The following RSRC1 variants were observed in gnomAD, a reference collection of about 807,000 sequenced individuals.
The protein encoded by RSRC1 is arginine and serine rich coiled-coil 1, also known as serine/Arginine-related protein 53.
A neutral mutation model predicts 49.1 loss-of-function variants in RSRC1; 39 were observed. That is an observed-to-expected ratio of 0.79 (90% CI 0.61 to 1.04). RSRC1 has a LOEUF of 1.04. RSRC1 is among the 50% of genes least tolerant of loss of function. The pLI is 0.00. For synonymous variants in RSRC1, 143 were observed against 130.8 expected, an observed-to-expected ratio of 1.09 and a Z score of -0.63; for missense variants, 388 against 402.4, an observed-to-expected ratio of 0.96 and a Z score of 0.31.
intron 7 of RSRC1, among the ~76,000 whole-genome samples, chr3:158,531,632 A>C (rs1183061555): frequency 1.3e-5 from 2 of 151,762 alleles, no homozygotes; most frequent in African/African-American, 2.4e-5. Context: ...ATTCCACTTA[A>C]GGAGTTTTCT....
At chr3:158,316,679 T>C (rs889214102) in intron 5 of RSRC1, among the ~76,000 whole-genome samples, 1 of 151,902 alleles carries the variant, frequency 6.6e-6, no homozygotes, top group Non-Finnish European at 1.5e-5. Flanking sequence ...CTCCTGACCT[T>C]GTGATCCGCC....
chr3:158,414,823 A>G (rs1734658151), intron 6 of RSRC1, among the ~76,000 whole-genome samples: 2 of 152,070 alleles, frequency 1.3e-5, no homozygotes, highest in South Asian at 2.1e-4. Flanking sequence ...TTTCTTTCCA[A>G]TTTTCAAGAA....
rs540179615 is a variant in RSRC1, at chr3:158,243,505, C to T, written c.494+40260C>T. Among the ~76,000 whole-genome samples, 7 of 152,232 alleles carry T rather than the reference C, an allele frequency of 4.6e-5. No homozygotes were observed. The South Asian group carries it at 1.2e-3, about 27-fold the overall frequency. On this transcript the variant is annotated intron_variant, in intron 4 of 9. Transcript: ENST00000611884. The stretch of plus-strand genomic sequence containing the variant: ...GATGCCTCCAGCTTTGTTCTTTTTG[C>T]TTAGGATTGCCTTGGCTATTGCAGC...
chr3:158,504,426 A>G (rs897629235), intron 7 of RSRC1, among the ~76,000 whole-genome samples: 1 of 152,192 alleles, frequency 6.6e-6, no homozygotes, highest in South Asian at 2.1e-4. Context: ...TACTATGAAA[A>G]TATTTTAATG....
chr3:158,512,516 A>G, intron 7 of RSRC1, among the ~76,000 whole-genome samples: 1 of 152,192 alleles, frequency 6.6e-6, no homozygotes, highest in Non-Finnish European at 1.5e-5. Context: ...TGTTTACTGT[A>G]GCCTTATAGT....
At chr3:158,330,535 T>C (rs1369084801) in intron 5 of RSRC1, among the ~76,000 whole-genome samples, 2 of 152,174 alleles carry the variant, frequency 1.3e-5, no homozygotes, top group African/African-American at 4.8e-5. Context: ...CGTGTTAACA[T>C]TGTCATTGTT....
intron 7 of RSRC1, among the ~76,000 whole-genome samples, chr3:158,503,168 G>A (rs1455990176): frequency 6.6e-6 from 1 of 152,136 alleles, no homozygotes; most frequent in South Asian, 2.1e-4. Context: ...TCTGGGTCTA[G>A]CCCCTCAGCA....
At chr3:158,388,811 G>C (rs191708007) in intron 6 of RSRC1, among the ~76,000 whole-genome samples, 424 of 151,890 alleles carry the variant, frequency 2.8e-3, no homozygotes, top group African/African-American at 9.9e-3. Flanking sequence ...GGGTTTCACC[G>C]TGTTGGCCAG....
At chr3:158,370,604 A>G (rs775800916) in intron 6 of RSRC1, among the ~76,000 whole-genome samples, 9 of 151,790 alleles carry the variant, frequency 5.9e-5, no homozygotes, top group Admixed American at 1.3e-4. Context: ...TTTACTGCTG[A>G]ATAGTATTTC....
chr3:158,147,041 T>C (rs1248979370), intron 3 of RSRC1, among the ~76,000 whole-genome samples: 1 of 150,984 alleles, frequency 6.6e-6, no homozygotes, highest in Admixed American at 6.6e-5. Flanking sequence ...TTGCTGGTGG[T>C]AGTGCTGCTG....
At chr3:158,508,828 C>T (rs1740006899) in intron 7 of RSRC1, among the ~76,000 whole-genome samples, 1 of 152,076 alleles carries the variant, frequency 6.6e-6, no homozygotes, top group Non-Finnish European at 1.5e-5. Context: ...GAAGGATGTA[C>T]AATAATATCT....
chr3:158,185,960 TAA>T (rs1559933889), intron 3 of RSRC1, among the ~76,000 whole-genome samples: 1 of 151,998 alleles, frequency 6.6e-6, no homozygotes, highest in Admixed American at 6.6e-5. Context: ...TACATTTAAT[TAA>T]GTGTAGTTCC....
intron 8 of RSRC1, among the ~76,000 whole-genome samples, chr3:158,538,310 C>A (rs1712833286): frequency 6.6e-6 from 1 of 151,822 alleles, no homozygotes; most frequent in Non-Finnish European, 1.5e-5. Context: ...AATCTGTGGT[C>A]CTTGCGTTGC....
At chr3:158,259,480 A>C (rs1247950384) in intron 4 of RSRC1, among the ~76,000 whole-genome samples, 1 of 152,006 alleles carries the variant, frequency 6.6e-6, no homozygotes. Flanking sequence ...AAGGGTGACA[A>C]ACACCCTTCT....
At chr3:158,177,853 A>G (rs539321004) in intron 3 of RSRC1, among the ~76,000 whole-genome samples, 15 of 152,154 alleles carry the variant, frequency 9.9e-5, no homozygotes, top group South Asian at 2.1e-4. Context: ...TTTAATATCA[A>G]TATACTTTTT....
intron 6 of RSRC1, among the ~76,000 whole-genome samples, chr3:158,387,221 A>C (rs1378581014): frequency 6.6e-6 from 1 of 152,138 alleles, no homozygotes; most frequent in Non-Finnish European, 1.5e-5. Flanking sequence ...ACAGGCAATT[A>C]AGAGCCATTC....
At chr3:158,131,570 A>C (rs1188674340) in intron 3 of RSRC1, among the ~76,000 whole-genome samples, 1 of 152,218 alleles carries the variant, frequency 6.6e-6, no homozygotes, top group Non-Finnish European at 1.5e-5. Context: ...AGATGTACTC[A>C]TGAACTTGGT....
intron 4 of RSRC1, among the ~76,000 whole-genome samples, chr3:158,293,355 T>C (rs183558429): frequency 3.3e-5 from 5 of 152,238 alleles, no homozygotes; most frequent in Non-Finnish European, 5.9e-5. Context: ...ATTTTGTCAT[T>C]AAAGCATTAA....
intron 3 of RSRC1, among the ~76,000 whole-genome samples, chr3:158,186,079 A>G (rs952055987): frequency 4.6e-5 from 7 of 151,932 alleles, no homozygotes; most frequent in African/African-American, 1.4e-4. Flanking sequence ...AAGCAGAGCT[A>G]TAAGGACTTA....
Sources: allele counts gnomAD v4.1 joint callset (sites outside exome capture counted in the v4.1 genomes callset), GRCh38; gene constraint gnomAD v4.1.1; transcripts MANE v1.5; gene names NCBI Gene and HGNC (gene_info 2026-07-23, HGNC 2026-07-21).